Variants in CADPS observed in about 807,000 individuals in gnomAD.
The protein encoded by CADPS is calcium-dependent secretion activator 1.
Under a neutral mutation model 167.3 loss-of-function variants are expected in CADPS, and 57 were observed. The ratio of observed to expected loss-of-function variants is 0.34; its 90% CI spans 0.28 to 0.42. The LOEUF is 0.42. CADPS is among the 20% of genes least tolerant of loss of function. The probability of loss-of-function intolerance (pLI) is 1.00; values close to 1 mark genes in which losing one functional copy is unlikely to be tolerated. For synonymous variants in CADPS, 676 were observed against 635.3 expected, an observed-to-expected ratio of 1.06 and a Z score of -0.96; for missense variants, 1,414 against 1,738.1, an observed-to-expected ratio of 0.81 and a Z score of 3.32.
At chr3:62,587,370 A>G (rs2084868288) in intron 7 of CADPS, among the ~76,000 whole-genome samples, 1 of 152,196 alleles carries the variant, frequency 6.6e-6, no homozygotes, top group Non-Finnish European at 1.5e-5. Flanking sequence ...TTCTCCAGGA[A>G]CTGCCTGTTC....
At chr3:62,841,132 T>C (rs940660297) in intron 1 of CADPS, among the ~76,000 whole-genome samples, 6 of 152,216 alleles carry the variant, frequency 3.9e-5, no homozygotes, top group African/African-American at 1.4e-4. Flanking sequence ...GTCCTCATCA[T>C]TGGCAAATAT....
chr3:62,493,533 A>C, intron 19 of CADPS, 112 bp downstream of exon 19: 1 of 762,028 alleles, frequency 1.3e-6, no homozygotes, highest in East Asian at 2.9e-5. Flanking sequence ...GGGTTTGTTC[A>C]ATGGCCAAGC....
chr3:62,431,359 T>C (rs1180875015), intron 28 of CADPS, among the ~76,000 whole-genome samples: 1 of 152,154 alleles, frequency 6.6e-6, no homozygotes, highest in Non-Finnish European at 1.5e-5. Flanking sequence ...GGCCACCTTG[T>C]ACTCTGGCCT....
chr3:62,684,770 T>C (rs2077702112), intron 3 of CADPS, among the ~76,000 whole-genome samples: 1 of 152,136 alleles, frequency 6.6e-6, no homozygotes, highest in Middle Eastern at 3.4e-3. Flanking sequence ...GCAGATTCTA[T>C]GCACCTGGTC....
At chr3:62,796,721 A>C (rs1482107603) in intron 1 of CADPS, among the ~76,000 whole-genome samples, 1 of 152,194 alleles carries the variant, frequency 6.6e-6, no homozygotes, top group Non-Finnish European at 1.5e-5. Flanking sequence ...ACCTGCATAA[A>C]TATTTTATAA....
At chr3:62,715,647 G>A (rs1432770863) in intron 3 of CADPS, among the ~76,000 whole-genome samples, 1 of 150,614 alleles carries the variant, frequency 6.6e-6, no homozygotes, top group Non-Finnish European at 1.5e-5. Context: ...ATGACATTTG[G>A]AATACCATCA....
At chr3:62,711,841 A>G (rs1211779285) in intron 3 of CADPS, among the ~76,000 whole-genome samples, 1 of 152,190 alleles carries the variant, frequency 6.6e-6, no homozygotes, top group African/African-American at 2.4e-5. Flanking sequence ...ACAATTTAGT[A>G]TCCTTCTGTT....
chr3:62,603,825 G>A (rs966991746), intron 6 of CADPS, among the ~76,000 whole-genome samples: 20 of 151,558 alleles, frequency 1.3e-4, no homozygotes, highest in Admixed American at 3.9e-4. Flanking sequence ...CTTGCTATCT[G>A]TATGCTGTGT....
At chr3:62,516,441 C>G in intron 15 of CADPS, 139 bp downstream of exon 15, 1 of 766,494 alleles carries the variant, frequency 1.3e-6, no homozygotes, top group African/African-American at 1.8e-5. Context: ...GCAGTTTCCT[C>G]GCTTCTATTC....
intron 29 of CADPS, among the ~76,000 whole-genome samples, chr3:62,401,192 G>C (rs1466801218): frequency 6.6e-6 from 1 of 151,468 alleles, no homozygotes. Flanking sequence ...GTTAGGCATG[G>C]TGTGGGCCAG....
At chr3:62,623,383 G>A (rs1337204095) in intron 6 of CADPS, among the ~76,000 whole-genome samples, 1 of 152,084 alleles carries the variant, frequency 6.6e-6, no homozygotes, top group Non-Finnish European at 1.5e-5. Flanking sequence ...AGCTCCACTG[G>A]ATTATTCTTT....
intron 2 of CADPS, among the ~76,000 whole-genome samples, chr3:62,760,624 C>T (rs1028716055): frequency 1.3e-5 from 2 of 152,074 alleles, no homozygotes; most frequent in African/African-American, 4.8e-5. Flanking sequence ...GCTTTCCCTG[C>T]AAGAATCAAT....
chr3:62,698,913 T>A (rs11713462), intron 3 of CADPS, among the ~76,000 whole-genome samples: 82,311 of 150,698 alleles, frequency 0.55, 24,016 homozygotes, highest in East Asian at 0.89. Flanking sequence ...CTATTTTTTT[T>A]AAAATTTCTG....
At chr3:62,613,569 G>C (rs1204740459) in intron 6 of CADPS, among the ~76,000 whole-genome samples, 1 of 152,158 alleles carries the variant, frequency 6.6e-6, no homozygotes, top group East Asian at 1.9e-4. Flanking sequence ...TGTGACTATA[G>C]AACCCTTTTT....
At chr3:62,644,721 A>C (rs374286228) in intron 6 of CADPS, among the ~76,000 whole-genome samples, 3 of 152,190 alleles carry the variant, frequency 2.0e-5, no homozygotes, top group African/African-American at 7.2e-5. Flanking sequence ...CTCTGCCTAG[A>C]ATGCTCTCCA....
At chr3:62,616,220 T>G (rs979624976) in intron 6 of CADPS, among the ~76,000 whole-genome samples, 2 of 152,206 alleles carry the variant, frequency 1.3e-5, no homozygotes, top group Non-Finnish European at 2.9e-5. Flanking sequence ...TGCTTGTAAA[T>G]TTTTATGAAT....
At chr3:62,534,019 C>G (rs1056546690) in intron 12 of CADPS, among the ~76,000 whole-genome samples, 1 of 152,142 alleles carries the variant, frequency 6.6e-6, no homozygotes, top group African/African-American at 2.4e-5. Flanking sequence ...ATGGAAATTG[C>G]TAGCCCCATT....
At chr3:62,530,399 C>T (rs1308396072) in intron 13 of CADPS, among the ~76,000 whole-genome samples, 2 of 152,152 alleles carry the variant, frequency 1.3e-5, no homozygotes, top group African/African-American at 4.8e-5. Context: ...ATTCTGTTTA[C>T]ATATTGCTCA....
intron 3 of CADPS, among the ~76,000 whole-genome samples, chr3:62,706,065 C>T (rs1218947086): frequency 6.6e-6 from 1 of 152,108 alleles, no homozygotes; most frequent in Non-Finnish European, 1.5e-5. Context: ...TGGGCTGCCA[C>T]CCTCGGGGTT....
Sources: allele counts gnomAD v4.1 joint callset (sites outside exome capture counted in the v4.1 genomes callset), GRCh38; gene constraint gnomAD v4.1.1; transcripts MANE v1.5; gene names NCBI Gene and HGNC (gene_info 2026-07-23, HGNC 2026-07-21).